HECW2: variants seen among roughly 807,000 people sequenced by gnomAD.
The protein encoded by HECW2 is HECT, C2 and WW domain containing E3 ubiquitin protein ligase 2.
In HECW2, 61 loss-of-function variants were observed where a neutral mutation model predicts 175.2. That is an observed-to-expected ratio of 0.35 (90% CI 0.28 to 0.43). The LOEUF (loss-of-function observed/expected upper bound fraction) is 0.43. Ranked by LOEUF, HECW2 falls within the 20% of genes least tolerant of loss-of-function variation. The pLI, the probability that HECW2 is intolerant of heterozygous loss-of-function variation, is 1.00. For missense variants in HECW2, 1,524 were observed against 2,000.5 expected (o/e 0.76, Z 4.54); for synonymous variants, 671 against 731.0 (o/e 0.92, Z 1.32).
chr2:196,378,628 A>G (rs1056988968), intron 2 of HECW2, among the ~76,000 whole-genome samples: 1 of 152,246 alleles, frequency 6.6e-6, no homozygotes, highest in African/African-American at 2.4e-5. Flanking sequence ...CTGTCATTGA[A>G]AATTAAAGAA....
chr2:196,275,259 C>A (rs1342026137), intron 15 of HECW2, among the ~76,000 whole-genome samples: 2 of 151,974 alleles, frequency 1.3e-5, no homozygotes, highest in African/African-American at 4.8e-5. Flanking sequence ...CAAGCAGCTG[C>A]CATTGTGAAC....
chr2:196,463,719 A>G (rs1391687731), intron 1 of HECW2, among the ~76,000 whole-genome samples: 2 of 152,088 alleles, frequency 1.3e-5, no homozygotes, highest in Non-Finnish European at 2.9e-5. Context: ...ATTAGATAAC[A>G]CTGTTTTTTG....
chr2:196,441,560 C>A (rs1016499401), intron 1 of HECW2, among the ~76,000 whole-genome samples: 2 of 152,026 alleles, frequency 1.3e-5, no homozygotes, highest in African/African-American at 4.8e-5. Flanking sequence ...AAGCAGTAAC[C>A]CATCCCCAGC....
chr2:196,282,702 G>A (rs529522914), intron 14 of HECW2, among the ~76,000 whole-genome samples: 13 of 152,294 alleles, frequency 8.5e-5, no homozygotes, highest in African/African-American at 3.1e-4. Context: ...GAAGCCTCCA[G>A]GTAGCAGGCT....
chr2:196,390,991 A>C (rs1383803002), intron 2 of HECW2, among the ~76,000 whole-genome samples: 1 of 151,862 alleles, frequency 6.6e-6, no homozygotes, highest in Non-Finnish European at 1.5e-5. Flanking sequence ...TCCCTCCCCC[A>C]TACACTCTGC....
chr2:196,319,718 G>C lies in HECW2; in HGVS notation c.1172C>G (p.Thr391Ser), dbSNP rs1267952217. The C allele has an allele frequency of 6.2e-7, 1 of 1,614,118 alleles. No homozygotes were observed. The highest frequency in any genetic ancestry group is 8.5e-7 in the Non-Finnish European group (1 of 1,180,040). Residue 391 changes from threonine (T) to serine (S), a missense_variant, in exon 9 of 29, where the codon ACT becomes AGT. Transcript: ENST00000644978. ...TAATTCCTCTGTGTCTATTTCCAGA[G>C]TGGAGCTAGTCCTGAATGAATGCTT... ...TPKHSFRTSS[T>S]LEIDTEELTS...
At chr2:196,269,960 G>A (rs539812859) in intron 17 of HECW2, among the ~76,000 whole-genome samples, 11 of 152,328 alleles carry the variant, frequency 7.2e-5, no homozygotes, top group African/African-American at 2.6e-4. Flanking sequence ...ATTCTGAGAA[G>A]GGAGAGGAAT....
chr2:196,256,727 A>T (rs1246056379), intron 18 of HECW2, among the ~76,000 whole-genome samples: 1 of 152,216 alleles, frequency 6.6e-6, no homozygotes, highest in Non-Finnish European at 1.5e-5. Context: ...TTAATTGACC[A>T]GTAGTCTTCC....
intron 2 of HECW2, among the ~76,000 whole-genome samples, chr2:196,344,248 C>A (rs57999071): frequency 3.1e-5 from 4 of 130,632 alleles, no homozygotes; most frequent in Admixed American, 9.2e-5. Context: ...TTAGGGAACA[C>A]AAACCAAGTT....
chr2:196,391,341 T>C (rs1001658534), intron 2 of HECW2, among the ~76,000 whole-genome samples: 6 of 152,192 alleles, frequency 3.9e-5, no homozygotes, highest in African/African-American at 1.2e-4. Flanking sequence ...TCTATGCTTT[T>C]ATAAACAGTC....
chr2:196,433,561 C>G, intron 1 of HECW2, 103 bp from the exon 2 acceptor site: 1 of 777,280 alleles, frequency 1.3e-6, no homozygotes, highest in Admixed American at 3.0e-5. Context: ...TAAGCCTGAT[C>G]ATGCAATAAT....
chr2:196,526,548 G>T (rs910537857), intron 1 of HECW2, among the ~76,000 whole-genome samples: 30 of 151,780 alleles, frequency 2.0e-4, no homozygotes, highest in Admixed American at 7.9e-4. Context: ...GAGGAGGAGA[G>T]GCGCTCTGCG....
chr2:196,237,176 CTTT>C (rs141895432), intron 21 of HECW2, among the ~76,000 whole-genome samples: 50 of 151,202 alleles, frequency 3.3e-4, no homozygotes, highest in Admixed American at 3.3e-3. Context: ...AGCAGTGATT[CTTT>C]TTTTTTAAAT....
chr2:196,497,238 T>C (rs1219037793), intron 1 of HECW2, among the ~76,000 whole-genome samples: 2 of 152,238 alleles, frequency 1.3e-5, no homozygotes, highest in Admixed American at 6.5e-5. Flanking sequence ...TTTCCTGGTC[T>C]CTTTTTCTGC....
At chr2:196,398,488 A>G (rs1169351518) in intron 2 of HECW2, among the ~76,000 whole-genome samples, 1 of 152,212 alleles carries the variant, frequency 6.6e-6, no homozygotes, top group Non-Finnish European at 1.5e-5. Context: ...AAGATTTAGT[A>G]ATAGCTATGA....
chr2:196,410,893 A>C (rs1000792696), intron 2 of HECW2, among the ~76,000 whole-genome samples: 1 of 152,206 alleles, frequency 6.6e-6, no homozygotes, highest in African/African-American at 2.4e-5. Context: ...ACAACATAGC[A>C]TACAGACAGC....
intron 2 of HECW2, among the ~76,000 whole-genome samples, chr2:196,399,026 T>C (rs1455062354): frequency 6.6e-6 from 1 of 152,152 alleles, no homozygotes; most frequent in African/African-American, 2.4e-5. Context: ...TAAACCAACA[T>C]ATATTTACAA....
chr2:196,237,751 G>A (rs533840199), intron 21 of HECW2, among the ~76,000 whole-genome samples: 1 of 152,086 alleles, frequency 6.6e-6, no homozygotes, highest in Non-Finnish European at 1.5e-5. Flanking sequence ...TTATTTTGTT[G>A]CTCAAATTAT....
intron 2 of HECW2, among the ~76,000 whole-genome samples, chr2:196,427,171 C>T (rs1695572521): frequency 6.6e-6 from 1 of 151,966 alleles, no homozygotes; most frequent in African/African-American, 2.4e-5. Context: ...ATTTTCTCAT[C>T]GAAGAAATCA....
Sources: gnomAD v4.1 joint callset for allele counts (sites outside exome capture counted in the v4.1 genomes callset) on GRCh38, gnomAD v4.1.1 for gene constraint, MANE v1.5 for transcripts, NCBI Gene and HGNC (gene_info 2026-07-23, HGNC 2026-07-21) for gene names.